The following RAD51AP1 variants were observed in gnomAD, a reference collection of about 807,000 sequenced individuals.
The protein encoded by RAD51AP1 is RAD51-associated protein 1.
RAD51AP1 carries 14 observed loss-of-function variants against 34.3 expected under a neutral mutation model. The ratio of observed to expected loss-of-function variants is 0.41; its 90% CI spans 0.27 to 0.64. The LOEUF (loss-of-function observed/expected upper bound fraction) is 0.64. RAD51AP1 is among the 30% of genes least tolerant of loss of function. RAD51AP1 has a pLI of 0.33. For missense variants in RAD51AP1, 348 were observed against 386.9 expected (o/e 0.90, Z 0.84); for synonymous variants, 114 against 129.8 (o/e 0.88, Z 0.83).
chr12:4,539,815 T>C (rs548093955), intron 1 of RAD51AP1, among the ~76,000 whole-genome samples: 1 of 152,202 alleles, frequency 6.6e-6, no homozygotes, highest in African/African-American at 2.4e-5. Flanking sequence ...CCAGAACAGA[T>C]AGGGTCTTGT....
intron 2 of RAD51AP1, 121 bp downstream of exon 2, chr12:4,542,054 A>G (rs924109762): frequency 2.7e-5 from 13 of 481,970 alleles, no homozygotes; most frequent in African/African-American, 2.6e-4. Flanking sequence ...TAGGTCTGGA[A>G]AGATAGTTTT....
chr12:4,548,948 C>CAG lies in RAD51AP1; in HGVS notation c.556+113_556+114dup, dbSNP rs1203398718. On this transcript the variant is annotated intron_variant, in intron 6 of 8. Coordinates refer to ENST00000352618, the MANE Select transcript of RAD51AP1 (RefSeq NM_006479.5). Reference sequence around the variant, plus strand: ...TTAAACCTTTGGGGTGTGCAAACTTCAGGGACACACAGAACAGTTCAATTC... The same window carrying CAG: ...TTAAACCTTTGGGGTGTGCAAACTTCAGAGGGACACACAGAACAGTTCAATTC... 33 of 1,142,694 alleles carry CAG rather than the reference C, an allele frequency of 2.9e-5. No individual in the cohort carries two copies. In the Middle Eastern group the frequency reaches 1.2e-3, roughly 41 times the overall value. 70.8% of individuals were successfully genotyped at this position (1,142,694 alleles called of 1,614,324 possible). A position where few individuals can be genotyped will look rare whatever the true frequency, so the allele number is the denominator to read the frequency against.
chr12:4,550,098 G>A (rs1355423225), intron 6 of RAD51AP1, among the ~76,000 whole-genome samples: 6 of 152,166 alleles, frequency 3.9e-5, no homozygotes, highest in Admixed American at 3.3e-4. Context: ...CCCAAAATCC[G>A]TAACTGAAGT....
At chr12:4,556,723 G>A (rs968111729) in intron 8 of RAD51AP1, among the ~76,000 whole-genome samples, 1 of 152,114 alleles carries the variant, frequency 6.6e-6, no homozygotes, top group African/African-American at 2.4e-5. Flanking sequence ...ATTGCAATAA[G>A]TGCAAATGTC....
Position 4,548,718 on chromosome 12 carries a change from T to C in RAD51AP1, c.438T>C (p.Val146=). ...ATAAGATTACTGTGGAAGATGATGT[T>C]GGTGGTGTTCAAGGGAAAAGAAAAG... ...DLDKITVEDD[V]GGVQGKRKAA... is the part of the protein sequence containing the mutation. Residue 146 remains valine, a synonymous_variant, in exon 6 of 9, where the codon GTT becomes GTC. Transcript: ENST00000352618. 6.2e-7 allele frequency: 1 copy of C among 1,614,058 alleles called. No homozygotes were observed. Among genetic ancestry groups the C allele is most frequent in the Non-Finnish European group, 8.5e-7 (1 of 1,179,932 alleles).
At chr12:4,542,243 A>G (rs1230139635) in intron 2 of RAD51AP1, among the ~76,000 whole-genome samples, 1 of 152,154 alleles carries the variant, frequency 6.6e-6, no homozygotes, top group Non-Finnish European at 1.5e-5. Context: ...TGTCTTTTTG[A>G]GATACAAAGA....
At chr12:4,541,984 C>A (rs373840582) in intron 2 of RAD51AP1, 51 bp downstream of exon 2, 5 of 1,256,252 alleles carry the variant, frequency 4.0e-6, no homozygotes, top group Non-Finnish European at 5.5e-6. Context: ...CTCATTTCCT[C>A]GGAATTTATA....
At chr12:4,543,719 A>C (rs1342099278) in intron 2 of RAD51AP1, 44 bp from the exon 3 acceptor site, 1 of 1,380,580 alleles carries the variant, frequency 7.2e-7, no homozygotes. Context: ...TCATTTATGA[A>C]GAAAATAATA....
chr12:4,542,190 A>G (rs1202809686), intron 2 of RAD51AP1, among the ~76,000 whole-genome samples: 2 of 152,190 alleles, frequency 1.3e-5, no homozygotes, highest in Non-Finnish European at 2.9e-5. Flanking sequence ...TAGTTGCAAC[A>G]TAGAGGTTTG....
At chr12:4,552,672 G>T (rs1944554560) in intron 6 of RAD51AP1, among the ~76,000 whole-genome samples, 2 of 152,164 alleles carry the variant, frequency 1.3e-5, no homozygotes, top group South Asian at 4.1e-4. Flanking sequence ...ATTTTATTTT[G>T]CTCAGTATAT....
At chr12:4,544,607 T>C (rs750974693) in intron 3 of RAD51AP1, among the ~76,000 whole-genome samples, 1 of 152,174 alleles carries the variant, frequency 6.6e-6, no homozygotes. Flanking sequence ...TGGTTTTTGT[T>C]TGTGAGTTTC....
intron 8 of RAD51AP1, among the ~76,000 whole-genome samples, chr12:4,557,873 A>C (rs1312043620): frequency 6.6e-6 from 1 of 152,210 alleles, no homozygotes; most frequent in African/African-American, 2.4e-5. Flanking sequence ...TATTGTTTCC[A>C]TGCAAGATTA....
intron 7 of RAD51AP1, 133 bp from the exon 8 acceptor site, chr12:4,556,220 C>G: frequency 1.4e-6 from 1 of 718,472 alleles, no homozygotes; most frequent in Non-Finnish European, 2.3e-6. Context: ...TTCTTAGGCT[C>G]TCAATAAATG....
chr12:4,539,488 T>C (rs1426266044), intron 1 of RAD51AP1, among the ~76,000 whole-genome samples: 1 of 152,186 alleles, frequency 6.6e-6, no homozygotes, highest in East Asian at 1.9e-4. Context: ...TAGCCATTCA[T>C]TTAATAAAGT....
At chr12:4,541,981 C>A in intron 2 of RAD51AP1, 48 bp downstream of exon 2, 1 of 1,286,402 alleles carries the variant, frequency 7.8e-7, no homozygotes, top group Non-Finnish European at 1.1e-6. Context: ...AAACTCATTT[C>A]CTCGGAATTT....
chr12:4,549,204 A>T (rs754751101), intron 6 of RAD51AP1, among the ~76,000 whole-genome samples: 2 of 152,152 alleles, frequency 1.3e-5, no homozygotes, highest in Non-Finnish European at 2.9e-5. Context: ...AGGGTCTCAG[A>T]CCCACTGGAA....
At chr12:4,539,919 A>G (rs550004660) in intron 1 of RAD51AP1, among the ~76,000 whole-genome samples, 1 of 152,306 alleles carries the variant, frequency 6.6e-6, no homozygotes, top group African/African-American at 2.4e-5. Context: ...TTGCTTTTAT[A>G]AAGGTCACTG....
At chr12:4,544,488 A>G (rs1168259396) in intron 3 of RAD51AP1, among the ~76,000 whole-genome samples, 3 of 152,216 alleles carry the variant, frequency 2.0e-5, no homozygotes, top group Non-Finnish European at 2.9e-5. Flanking sequence ...ATATTAACAA[A>G]TGGAACATGG....
At chr12:4,555,258 A>C (rs1231258326) in intron 7 of RAD51AP1, among the ~76,000 whole-genome samples, 1 of 152,108 alleles carries the variant, frequency 6.6e-6, no homozygotes, top group Non-Finnish European at 1.5e-5. Context: ...GGCACCATCA[A>C]AGTGTGCCCA....
Sources: allele counts gnomAD v4.1 joint callset (sites outside exome capture counted in the v4.1 genomes callset), GRCh38; gene constraint gnomAD v4.1.1; transcripts MANE v1.5; gene names NCBI Gene and HGNC (gene_info 2026-07-23, HGNC 2026-07-21).